Variants in WWOX observed in about 807,000 individuals in gnomAD.
WWOX encodes the protein WW domain-containing oxidoreductase.
WWOX carries 69 observed loss-of-function variants against 46.2 expected under a neutral mutation model. That is an observed-to-expected ratio of 1.49 (90% CI 1.23 to 1.82). The LOEUF (loss-of-function observed/expected upper bound fraction) is 1.82, where lower values mean the gene tolerates loss of function less well. Ranked by LOEUF, WWOX falls within the 40% of genes most tolerant of loss-of-function variation. The pLI is 0.00. For missense variants in WWOX, 919 were observed against 542.6 expected (o/e 1.69, Z -6.89); for synonymous variants, 359 against 202.6 (o/e 1.77, Z -6.56).
intron 8 of WWOX, among the ~76,000 whole-genome samples, chr16:78,620,459 C>T (rs764958073): frequency 6.6e-6 from 1 of 152,156 alleles, no homozygotes; most frequent in Non-Finnish European, 1.5e-5. Context: ...AACTTGGTCC[C>T]TGGATGGGAG....
chr16:78,528,428 C>T (rs374335119), intron 8 of WWOX, among the ~76,000 whole-genome samples: 10 of 151,790 alleles, frequency 6.6e-5, no homozygotes, highest in East Asian at 1.9e-4. Context: ...GAAAGTGGCT[C>T]GTATTCAAGG....
chr16:78,566,331 C>G (rs1333239199), intron 8 of WWOX, among the ~76,000 whole-genome samples: 2 of 152,178 alleles, frequency 1.3e-5, no homozygotes, highest in Admixed American at 1.3e-4. Flanking sequence ...TAACAACTAT[C>G]TCACTTACCT....
chr16:78,699,695 A>G (rs1452492288), intron 8 of WWOX, among the ~76,000 whole-genome samples: 1 of 152,214 alleles, frequency 6.6e-6, no homozygotes, highest in Non-Finnish European at 1.5e-5. Flanking sequence ...GCCCGCTGAT[A>G]TCTACAGCCT....
chr16:78,606,642 A>T (rs1432972272), intron 8 of WWOX, among the ~76,000 whole-genome samples: 1 of 151,926 alleles, frequency 6.6e-6, no homozygotes, highest in Non-Finnish European at 1.5e-5. Context: ...CACGAAGTTG[A>T]ATATGTGAAC....
At position 78,438,459 on chromosome 16, in the gene WWOX, C is replaced by CTTT. The variant is rs61198259; in HGVS notation, c.1056+5715_1056+5717dup. Among the ~76,000 whole-genome samples the CTTT allele has an allele frequency of 2.3e-4, 35 of 149,744 alleles. 1 individual carries two copies. The highest frequency in any genetic ancestry group is 5.9e-4 in the African/African-American group (24 of 40,872). ...ATGCTGCCACCACCGCCAACCCCAC[C>CTTT]TTTTTTTTTTCCACATAAGCTTTCA... On this transcript the variant is annotated intron_variant, in intron 8 of 8. Coordinates refer to ENST00000566780, the MANE Select transcript of WWOX (RefSeq NM_016373.4).
intron 8 of WWOX, among the ~76,000 whole-genome samples, chr16:79,163,285 T>G (rs1445274225): frequency 1.3e-5 from 2 of 152,108 alleles, no homozygotes; most frequent in Non-Finnish European, 2.9e-5. Context: ...GCAGGGTGGT[T>G]AAACATCCAA....
intron 8 of WWOX, among the ~76,000 whole-genome samples, chr16:78,488,015 A>G (rs2084682711): frequency 6.6e-6 from 1 of 152,170 alleles, no homozygotes. Flanking sequence ...TGGGGCTTCT[A>G]AAATAAGTGG....
intron 8 of WWOX, among the ~76,000 whole-genome samples, chr16:78,625,682 G>A (rs1363628047): frequency 3.3e-5 from 5 of 150,946 alleles, no homozygotes; most frequent in Admixed American, 6.6e-5. Context: ...AATAATACTC[G>A]GTTGGTGCAA....
At chr16:78,494,522 A>C (rs780131595) in intron 8 of WWOX, among the ~76,000 whole-genome samples, 1 of 152,232 alleles carries the variant, frequency 6.6e-6, no homozygotes, top group African/African-American at 2.4e-5. Flanking sequence ...AACGGCAACA[A>C]ATAAAACTTC....
At chr16:78,206,926 G>C (rs1436609886) in intron 5 of WWOX, among the ~76,000 whole-genome samples, 2 of 152,114 alleles carry the variant, frequency 1.3e-5, no homozygotes, top group African/African-American at 4.8e-5. Flanking sequence ...CTCCCTTACT[G>C]ATAATTGAAT....
chr16:78,590,746 G>T (rs1200689824), intron 8 of WWOX, among the ~76,000 whole-genome samples: 1 of 152,174 alleles, frequency 6.6e-6, no homozygotes. Context: ...TCGGGTAGAT[G>T]GGATCAGTGC....
intron 8 of WWOX, among the ~76,000 whole-genome samples, chr16:78,593,009 G>T (rs1438165421): frequency 1.3e-5 from 2 of 152,258 alleles, no homozygotes; most frequent in East Asian, 3.9e-4. Flanking sequence ...TAGCTGCCAG[G>T]GAGGCTGGAA....
chr16:78,600,504 A>G (rs1318632583), intron 8 of WWOX, among the ~76,000 whole-genome samples: 1 of 152,124 alleles, frequency 6.6e-6, no homozygotes, highest in Non-Finnish European at 1.5e-5. Context: ...GGGTTAAAGC[A>G]TCCATGTTTA....
At position 78,652,510 on chromosome 16, in the gene WWOX, A is replaced by T. The variant is rs182376859; in HGVS notation, c.1056+219758A>T. Reference sequence around the variant, plus strand: ...AGGACTCTATAAAGGACTATAAAAAAAGTTGTAATAAATTATGCAGACCCC... The same window carrying T: ...AGGACTCTATAAAGGACTATAAAAATAGTTGTAATAAATTATGCAGACCCC... On this transcript the variant is annotated intron_variant, in intron 8 of 8. Coordinates refer to ENST00000566780, the MANE Select transcript of WWOX (RefSeq NM_016373.4). Among the ~76,000 whole-genome samples, 4 of 152,212 alleles carry T rather than the reference A, an allele frequency of 2.6e-5. No homozygotes were observed. In the East Asian group the frequency reaches 7.7e-4, roughly 29 times the overall value.
intron 7 of WWOX, among the ~76,000 whole-genome samples, chr16:78,428,061 C>G (rs2083128965): frequency 6.6e-6 from 1 of 152,146 alleles, no homozygotes; most frequent in South Asian, 2.1e-4. Context: ...GAGCAAGACC[C>G]TGTTTCAGAA....
At chr16:78,866,912 T>A (rs377252680) in intron 8 of WWOX, among the ~76,000 whole-genome samples, 1 of 152,202 alleles carries the variant, frequency 6.6e-6, no homozygotes, top group South Asian at 2.1e-4. Context: ...GCAAACTCTT[T>A]CTTTGGTCTG....
chr16:78,970,606 A>T (rs1171884135), intron 8 of WWOX, among the ~76,000 whole-genome samples: 1 of 152,214 alleles, frequency 6.6e-6, no homozygotes, highest in Non-Finnish European at 1.5e-5. Context: ...GAACAGTATG[A>T]GGAAAGTCAG....
At chr16:78,305,123 G>A (rs1159470519) in intron 5 of WWOX, among the ~76,000 whole-genome samples, 1 of 152,142 alleles carries the variant, frequency 6.6e-6, no homozygotes, top group East Asian at 1.9e-4. Context: ...CAGTCCCCAA[G>A]TTGTGTAAAT....
At chr16:78,614,956 T>C (rs186646336) in intron 8 of WWOX, among the ~76,000 whole-genome samples, 1 of 152,286 alleles carries the variant, frequency 6.6e-6, no homozygotes, top group Admixed American at 6.5e-5. Context: ...CTTTAATCAG[T>C]TGATACATGT....
Sources: gnomAD v4.1 joint callset for allele counts (sites outside exome capture counted in the v4.1 genomes callset) on GRCh38, gnomAD v4.1.1 for gene constraint, MANE v1.5 for transcripts, NCBI Gene and HGNC (gene_info 2026-07-23, HGNC 2026-07-21) for gene names.